The following GC variants were observed in gnomAD, a reference collection of about 807,000 sequenced individuals.
GC encodes GC vitamin D binding protein.
In GC, 43 loss-of-function variants were observed where a neutral mutation model predicts 56.7. That is an observed-to-expected ratio of 0.76 (90% confidence interval 0.59 to 0.98). The LOEUF (loss-of-function observed/expected upper bound fraction) is 0.98, where lower values mean the gene tolerates loss of function less well. Ranked by LOEUF, GC falls within the 50% of genes least tolerant of loss-of-function variation. The pLI is 0.00. For missense variants in GC, 529 were observed against 545.9 expected (o/e 0.97, Z 0.31); for synonymous variants, 216 against 202.7 (o/e 1.07, Z -0.56).
At chr4:71,803,249 T>C (rs1743292445) in intron 1 of GC, among the ~76,000 whole-genome samples, 1 of 152,194 alleles carries the variant, frequency 6.6e-6, no homozygotes, top group South Asian at 2.1e-4. Context: ...ATACCTGTAC[T>C]CTGATTTGGC....
chr4:71,773,123 G>A (rs1742392683), intron 1 of GC, among the ~76,000 whole-genome samples: 1 of 151,996 alleles, frequency 6.6e-6, no homozygotes, highest in African/African-American at 2.4e-5. Flanking sequence ...GTTTTCAAAT[G>A]TACCATTCGG....
rs570970604 is a variant in GC at position 71,756,149 on chromosome 4, A to G, written c.1034+563T>C. Reference sequence around the variant, plus strand: ...GCTTGGTATCTCTTTTATTTGTATCAAATGCTTATTGTCCAAAAGTTTAGT... The same window carrying G: ...GCTTGGTATCTCTTTTATTTGTATCGAATGCTTATTGTCCAAAAGTTTAGT... On this transcript the variant is annotated intron_variant, in intron 8 of 12. Transcript: ENST00000273951. Among the ~76,000 whole-genome samples the G allele has an allele frequency of 2.6e-5, 4 of 152,332 alleles. No homozygotes were observed. In the South Asian group the frequency reaches 6.2e-4, roughly 24 times the overall value.
At chr4:71,798,247 T>C (rs867785284) in intron 1 of GC, among the ~76,000 whole-genome samples, 6 of 152,254 alleles carry the variant, frequency 3.9e-5, no homozygotes, top group Non-Finnish European at 7.3e-5. Flanking sequence ...ATATTATCTT[T>C]TAAAGTTTTC....
chr4:71,784,186 G>T, upstream of GC: 3 of 1,304,144 alleles, frequency 2.3e-6, no homozygotes, highest in Non-Finnish European at 2.0e-6. Context: ...GAAGCAAGGG[G>T]CTGTTATCTT....
intron 1 of GC, among the ~76,000 whole-genome samples, chr4:71,778,513 G>T (rs1742577069): frequency 1.3e-5 from 2 of 151,868 alleles, no homozygotes; most frequent in Admixed American, 6.6e-5. Flanking sequence ...TGACAATTCA[G>T]CTCCAGTTCA....
At chr4:71,777,573 C>T (rs558351720) in intron 1 of GC, among the ~76,000 whole-genome samples, 12 of 149,220 alleles carry the variant, frequency 8.0e-5, no homozygotes, top group African/African-American at 3.0e-4. Context: ...ACAATCCAAC[C>T]ATGTATTTTG....
chr4:71,750,790 C>A (rs1741526721), intron 11 of GC, among the ~76,000 whole-genome samples: 1 of 152,064 alleles, frequency 6.6e-6, no homozygotes. Context: ...GAGGCTGAGG[C>A]AGGAGAATCA....
intron 12 of GC, among the ~76,000 whole-genome samples, chr4:71,742,651 A>G (rs1468076192): frequency 6.6e-6 from 1 of 152,198 alleles, no homozygotes; most frequent in African/African-American, 2.4e-5. Flanking sequence ...AGCTAACAAT[A>G]AAAAATACCT....
At chr4:71,803,034 T>C (rs1743289161) in intron 1 of GC, among the ~76,000 whole-genome samples, 1 of 152,162 alleles carries the variant, frequency 6.6e-6, no homozygotes, top group South Asian at 2.1e-4. Context: ...GTGAATGAGA[T>C]AGAAAGAAAG....
intron 1 of GC, among the ~76,000 whole-genome samples, chr4:71,790,322 T>C (rs566653303): frequency 6.6e-6 from 1 of 152,152 alleles, no homozygotes; most frequent in East Asian, 1.9e-4. Flanking sequence ...GACAACTTTC[T>C]TATACTTAAT....
intron 1 of GC, among the ~76,000 whole-genome samples, chr4:71,781,305 C>T (rs1345259248): frequency 6.6e-6 from 1 of 151,580 alleles, no homozygotes; most frequent in East Asian, 2.0e-4. Flanking sequence ...TAATGGGTGT[C>T]AGCAAACCAA....
chr4:71,784,920 G>C (rs997213533), upstream of GC, among the ~76,000 whole-genome samples: 3 of 151,646 alleles, frequency 2.0e-5, no homozygotes, highest in African/African-American at 7.3e-5. Flanking sequence ...TGAGCACTGG[G>C]TAAATTCTGT....
chr4:71,800,835 CTT>C (rs529618238), intron 1 of GC, among the ~76,000 whole-genome samples: 105 of 152,232 alleles, frequency 6.9e-4, no homozygotes, highest in Middle Eastern at 6.8e-3. Context: ...TGATCAGACA[CTT>C]TACACTTTCT....
At chr4:71,795,303 G>A (rs924137781) in intron 1 of GC, among the ~76,000 whole-genome samples, 1 of 152,136 alleles carries the variant, frequency 6.6e-6, no homozygotes, top group Non-Finnish European at 1.5e-5. Context: ...AAGTCTCTTT[G>A]TAGGTCTCTA....
chr4:71,761,487 A>G (rs1741972487), intron 6 of GC, among the ~76,000 whole-genome samples: 1 of 152,170 alleles, frequency 6.6e-6, no homozygotes. Flanking sequence ...TTCTGAGGAG[A>G]AATTCAAGCT....
At chr4:71,760,740 C>T (rs762566838) in intron 6 of GC, among the ~76,000 whole-genome samples, 3 of 152,014 alleles carry the variant, frequency 2.0e-5, no homozygotes, top group East Asian at 1.9e-4. Context: ...GAGCTGTTCC[C>T]GTGACAGTGA....
chr4:71,771,444 A>AC (rs372920304), intron 1 of GC, among the ~76,000 whole-genome samples: 5 of 151,570 alleles, frequency 3.3e-5, no homozygotes, highest in South Asian at 4.2e-4. Context: ...TTGGATGGAT[A>AC]CCCCCCCAAA....
Position 71,756,879 on chromosome 4 carries a change from T to C in GC, c.867A>G (p.Leu289=), listed in dbSNP as rs1372989915. Residue 289 remains leucine, a synonymous_variant, in exon 8 of 13, where the codon TTA becomes TTG. Transcript: ENST00000273951. ...CTTCAAACTTAGAATTCTTTGTGGA[T>C]AAATTGTCACAGAGTTTTACTGTGT... ...PEHTVKLCDN[L]STKNSKFEDC... 6.2e-7 allele frequency: 1 copy of C among 1,613,584 alleles called. No individual in the cohort carries two copies. The highest frequency in any genetic ancestry group is 1.7e-5 in the Admixed American group (1 of 59,998).
At chr4:71,800,427 C>T (rs143479764) in intron 1 of GC, among the ~76,000 whole-genome samples, 58 of 152,300 alleles carry the variant, frequency 3.8e-4, no homozygotes, top group African/African-American at 1.3e-3. Context: ...CTTTTTATGG[C>T]TGCATAGTAT....
Sources: gnomAD v4.1 joint callset for allele counts (sites outside exome capture counted in the v4.1 genomes callset) on GRCh38, gnomAD v4.1.1 for gene constraint, MANE v1.5 for transcripts, NCBI Gene and HGNC (gene_info 2026-07-23, HGNC 2026-07-21) for gene names.